The following CGN variants were observed in gnomAD, a reference collection of about 807,000 sequenced individuals.
CGN encodes cingulin.
A neutral mutation model predicts 157.1 loss-of-function variants in CGN; 121 were observed. That is an observed-to-expected ratio of 0.77 (90% confidence interval 0.66 to 0.90). The LOEUF is 0.90. Among genes scored for constraint, CGN ranks in the 40% least tolerant of loss-of-function variants. CGN has a pLI of 0.00. For missense variants in CGN, 1,424 were observed against 1,520.9 expected (o/e 0.94, Z 1.06); for synonymous variants, 535 against 607.5 (o/e 0.88, Z 1.76).
intron 1 of CGN, among the ~76,000 whole-genome samples, chr1:151,517,913 T>C (rs1664448400): frequency 6.6e-6 from 1 of 151,248 alleles, no homozygotes; most frequent in South Asian, 2.1e-4. Flanking sequence ...AACAGTGGCA[T>C]AATCACTGCT....
intron 2 of CGN, 103 bp from the exon 3 acceptor site, chr1:151,520,063 G>A: frequency 1.2e-6 from 1 of 815,898 alleles, no homozygotes; most frequent in Non-Finnish European, 1.9e-6. Flanking sequence ...CTTGACCTGA[G>A]ACTGCCACTT....
Position 151,535,064 on chromosome 1 carries a change from CAG to C in CGN, c.2930_2931del (p.Glu977ValfsTer3). ...TAGGAAAAAGTCTCACGGCTGGAAA[CAG>C]AGTTAGATGAGGAGAAGAACACCGT... On this transcript the variant is annotated frameshift_variant, in exon 16 of 21. Coordinates refer to ENST00000271636, the MANE Select transcript of CGN (RefSeq NM_020770.3). LOFTEE classifies it high-confidence loss of function. 2.5e-6 allele frequency: 4 copies of C among 1,614,074 alleles called. No individual in the cohort carries two copies. The highest frequency in any genetic ancestry group is 1.1e-5 in the South Asian group (1 of 91,066).
chr1:151,535,798 C>G lies in CGN; in HGVS notation c.3097C>G (p.Arg1033Gly), dbSNP rs1168349150. 1.2e-6 allele frequency: 2 copies of G among 1,614,090 alleles called. No individual in the cohort carries two copies. Among genetic ancestry groups the G allele is most frequent in the Non-Finnish European group, 1.7e-6 (2 of 1,179,994 alleles). The change falls in exon 18 of 21, where the codon CGG becomes GGG. Residue 1033 changes from arginine (R) to glycine (G), a missense_variant. Physicochemically the swap from Arg to Gly is moderately radical, Grantham distance 125. Transcript: ENST00000271636. ...CTCTCAGAACAAGGACCTGAAGACC[C>G]GGTTGGCCAGCTCAGAAGGCTTCCA... ...LERQNKDLKT[R>G]LASSEGFQKP...
intron 1 of CGN, among the ~76,000 whole-genome samples, chr1:151,512,189 TGAGA>T (rs149076389): frequency 3.3e-5 from 5 of 151,276 alleles, no homozygotes; most frequent in African/African-American, 1.2e-4. Flanking sequence ...TTCTTCCTCT[TGAGA>T]GAGAGAGAGA....
At chr1:151,537,042 T>C in intron 20 of CGN, 149 bp downstream of exon 20, 1 of 1,171,094 alleles carries the variant, frequency 8.5e-7, no homozygotes, top group Non-Finnish European at 1.2e-6. Context: ...TATTTATTAG[T>C]ATCTCAGCCA....
chr1:151,529,702 G>A, intron 11 of CGN, 143 bp downstream of exon 11: 1 of 875,490 alleles, frequency 1.1e-6, no homozygotes, highest in Non-Finnish European at 1.7e-6. Flanking sequence ...AAAGAAGCCA[G>A]GATTTGGCAG....
intron 9 of CGN, 150 bp from the exon 10 acceptor site, chr1:151,526,825 T>C: frequency 2.5e-6 from 2 of 803,504 alleles, no homozygotes; most frequent in Non-Finnish European, 2.0e-6. Context: ...CTCAAACTGC[T>C]CTTTTCCACG....
chr1:151,536,660 G>C, intron 19 of CGN, 70 bp from the exon 20 acceptor site: 1 of 1,512,168 alleles, frequency 6.6e-7, no homozygotes, highest in South Asian at 1.2e-5. Flanking sequence ...TGTCAAGATT[G>C]TTATGGGGGA....
At chr1:151,527,982 G>T (rs1299139422) in intron 10 of CGN, 1 of 135,638 alleles carries the variant, frequency 7.4e-6, no homozygotes, top group African/African-American at 3.3e-5. Flanking sequence ...TTGAGACGGA[G>T]TCTCACTCTG....
intron 1 of CGN, among the ~76,000 whole-genome samples, chr1:151,512,860 C>T (rs1472978945): frequency 2.0e-5 from 3 of 152,212 alleles, no homozygotes; most frequent in Non-Finnish European, 4.4e-5. Context: ...CTTCCTAGAA[C>T]CCTTCCTGTG....
rs1420482089 is a variant in CGN at position 151,520,405 on chromosome 1, A to G, written c.975-9A>G. The G allele has an allele frequency of 6.2e-7, 1 of 1,612,938 alleles. No individual in the cohort carries two copies. The highest frequency in any genetic ancestry group is 1.1e-5 in the South Asian group (1 of 91,054). ...CCCTAACCCTTGCTTCTATCCTTTTATCCTCTAGAAGCTCAGAAAGTGAAA... is the reference window on the plus strand; with the variant it reads ...CCCTAACCCTTGCTTCTATCCTTTTGTCCTCTAGAAGCTCAGAAAGTGAAA... On this transcript the variant is annotated splice_polypyrimidine_tract_variant and intron_variant, in intron 3 of 20. Transcript: ENST00000271636.
At chr1:151,530,285 G>A (rs1664804119) in intron 12 of CGN, among the ~76,000 whole-genome samples, 170 bp downstream of exon 12, 1 of 152,200 alleles carries the variant, frequency 6.6e-6, no homozygotes, top group Non-Finnish European at 1.5e-5. Context: ...TGGCGCCAAT[G>A]TTCAGTCTTT....
chr1:151,536,398 T>G, intron 19 of CGN, 53 bp downstream of exon 19: 1 of 1,053,442 alleles, frequency 9.5e-7, no homozygotes, highest in Non-Finnish European at 1.5e-6. Context: ...ATATATTATA[T>G]GTTTTCCTGA....
chr1:151,530,298 A>C (rs182279760), intron 12 of CGN, among the ~76,000 whole-genome samples, 183 bp downstream of exon 12: 1 of 152,242 alleles, frequency 6.6e-6, no homozygotes, highest in Admixed American at 6.5e-5. Flanking sequence ...CAGTCTTTGC[A>C]CTGGTAGTTT....
At chr1:151,514,416 T>C (rs1369004085) in intron 1 of CGN, among the ~76,000 whole-genome samples, 1 of 152,156 alleles carries the variant, frequency 6.6e-6, no homozygotes, top group African/African-American at 2.4e-5. Context: ...GGTTCTAAGA[T>C]CATGACTACA....
rs757470542 is a variant in CGN, at chr1:151,532,384, C to A, written c.2572-18C>A. 7 of 1,540,536 alleles carry A rather than the reference C, an allele frequency of 4.5e-6. No homozygotes were observed. The South Asian group carries it at 9.0e-5, about 20-fold the overall frequency. On this transcript the variant is annotated intron_variant, in intron 13 of 20. Transcript: ENST00000271636. The stretch of plus-strand genomic sequence containing the variant: ...TCATTTATGTACAGTGCTGAAGACC[C>A]TTTTCTCTGTGTTTCAGTTGGAGAA...
In CGN at chr1:151,537,377, C is replaced by T. The variant is rs1664992965; in HGVS notation, c.*31C>T. On this transcript the variant is annotated 3_prime_UTR_variant, in exon 21 of 21. Coordinates refer to ENST00000271636, the MANE Select transcript of CGN (RefSeq NM_020770.3). ...GGTCCTCAAGGACTCAGAAACCAGG[C>T]TCGAGGCCTATCCCAGCAAGTGCTG... is the stretch of plus-strand genomic sequence containing the variant. The T allele has an allele frequency of 6.2e-7, 1 of 1,601,194 alleles. No homozygotes were observed.
At chr1:151,523,929 A>G (rs1664602903) in intron 6 of CGN, among the ~76,000 whole-genome samples, 1 of 152,200 alleles carries the variant, frequency 6.6e-6, no homozygotes, top group Admixed American at 6.5e-5. Context: ...CACATCAGTG[A>G]ACCCTATAGA....
At chr1:151,514,488 A>G (rs1208285919) in intron 1 of CGN, among the ~76,000 whole-genome samples, 3 of 152,006 alleles carry the variant, frequency 2.0e-5, no homozygotes, top group African/African-American at 7.2e-5. Context: ...TACTGAGGCA[A>G]AGTAGATTTG....
Sources: allele counts gnomAD v4.1 joint callset (sites outside exome capture counted in the v4.1 genomes callset), GRCh38; gene constraint gnomAD v4.1.1; transcripts MANE v1.5; gene names NCBI Gene and HGNC (gene_info 2026-07-23, HGNC 2026-07-21).